Variants in PKHD1 observed in about 807,000 individuals in gnomAD.
The protein encoded by PKHD1 is fibrocystin.
PKHD1 carries 291 observed loss-of-function variants against 412.0 expected under a neutral mutation model. That is an observed-to-expected ratio of 0.71 (90% CI 0.64 to 0.78). The LOEUF (loss-of-function observed/expected upper bound fraction) is 0.78. PKHD1 is among the 30% of genes least tolerant of loss of function. The pLI is 0.00. For synonymous variants in PKHD1, 1,777 were observed against 1,821.5 expected (o/e 0.98, Z 0.62); for missense variants, 4,825 against 4,950.7 (o/e 0.97, Z 0.76).
chr6:51,912,577 C>T lies in PKHD1; in HGVS notation c.6122-1G>A. On this transcript the variant is annotated splice_acceptor_variant, in intron 37 of 66. Coordinates refer to ENST00000371117, the MANE Select transcript of PKHD1 (RefSeq NM_138694.4). LOFTEE classifies it high-confidence loss of function. ...GTGACAATTACTTCTGGTAGTGAAC[C>T]TAAAGCAGCCCGAGGAAAAGTTGTC... 1 of 1,605,202 alleles carries T rather than the reference C, an allele frequency of 6.2e-7. No homozygotes were observed. Among genetic ancestry groups the T allele is most frequent in the Non-Finnish European group, 8.5e-7 (1 of 1,172,294 alleles).
At chr6:51,972,308 A>G (rs80088270) in intron 35 of PKHD1, among the ~76,000 whole-genome samples, 1,816 of 152,304 alleles carry the variant, frequency 0.012, 40 homozygotes, top group African/African-American at 0.042. Flanking sequence ...TTCACGTTTG[A>G]GGTACTTTTT....
Position 52,055,609 on chromosome 6 carries a change from T to C in PKHD1, c.1814A>G (p.Tyr605Cys), listed in dbSNP as rs1315534371. Residue 605 changes from tyrosine to cysteine, a missense_variant, in exon 19 of 67, where the codon TAT (tyrosine) becomes TGT (cysteine). Tyr to Cys is a radical substitution (Grantham distance 194). Coordinates refer to ENST00000371117, the MANE Select transcript of PKHD1 (RefSeq NM_138694.4). ...VLTPPAAQKG[Y>C]RLDQYTHLCL... ...CACGTGTGTATACTGATCTAGCCGA[T>C]AGCCCTTCTGGGCAGCCGGGGGAGT... is the stretch of plus-strand genomic sequence containing the variant. 1.2e-6 allele frequency: 2 copies of C among 1,613,914 alleles called. No individual in the cohort carries two copies. Among genetic ancestry groups the C allele is most frequent in the African/African-American group, 1.3e-5 (1 of 74,918 alleles).
chr6:51,730,444 A>G (rs1783102764), intron 60 of PKHD1, among the ~76,000 whole-genome samples: 1 of 152,188 alleles, frequency 6.6e-6, no homozygotes, highest in Non-Finnish European at 1.5e-5. Flanking sequence ...CAACGTTGCT[A>G]TTTGAATGAT....
intron 60 of PKHD1, among the ~76,000 whole-genome samples, chr6:51,696,739 T>C (rs1365342162): frequency 6.6e-6 from 1 of 152,132 alleles, no homozygotes; most frequent in Non-Finnish European, 1.5e-5. Flanking sequence ...GTGCGTGGGA[T>C]AGAGCCCCAG....
chr6:51,639,257 G>A (rs951278844), intron 63 of PKHD1, among the ~76,000 whole-genome samples: 1 of 152,080 alleles, frequency 6.6e-6, no homozygotes, highest in South Asian at 2.1e-4. Context: ...TAGCAATTAG[G>A]AAATAGGCTC....
chr6:52,070,430 C>G lies in PKHD1; in HGVS notation c.683G>C (p.Ser228Thr), dbSNP rs773265609. 6.2e-7 allele frequency: 1 copy of G among 1,610,240 alleles called. No individual in the cohort carries two copies. The highest frequency in any genetic ancestry group is 1.1e-5 in the South Asian group (1 of 91,002). The change falls in exon 10 of 67, where the codon AGC (serine) becomes ACC (threonine). Residue 228 changes from serine to threonine, a missense_variant. Transcript: ENST00000371117. ...EGDYIGSQNV[S>T]FSVFNKGKSM... is the part of the protein sequence containing the mutation. Reference sequence around the variant, plus strand: ...CTTTCCTTTGTTAAATACTGAGAAGCTAACATTCTGGGAGCCTGTAACACA... The same window carrying G: ...CTTTCCTTTGTTAAATACTGAGAAGGTAACATTCTGGGAGCCTGTAACACA...
intron 35 of PKHD1, 92 bp downstream of exon 35, chr6:52,010,217 C>T: frequency 9.3e-7 from 1 of 1,075,842 alleles, no homozygotes; most frequent in Non-Finnish European, 1.4e-6. Context: ...TATATCGCTG[C>T]CATTTGGACT....
intron 35 of PKHD1, among the ~76,000 whole-genome samples, chr6:52,007,176 T>A (rs143644299): frequency 1.3e-5 from 2 of 152,254 alleles, no homozygotes; most frequent in Non-Finnish European, 2.9e-5. Flanking sequence ...CTTTTTTGTA[T>A]AATAACTTCT....
intron 60 of PKHD1, among the ~76,000 whole-genome samples, chr6:51,712,881 T>C (rs927504336): frequency 6.6e-6 from 1 of 152,226 alleles, no homozygotes; most frequent in Non-Finnish European, 1.5e-5. Flanking sequence ...TAATAAATAA[T>C]AGATAATGAT....
chr6:51,894,899 T>C (rs568333959), intron 43 of PKHD1, among the ~76,000 whole-genome samples: 19 of 152,372 alleles, frequency 1.2e-4, no homozygotes, highest in Admixed American at 7.2e-4. Flanking sequence ...AATTCTCTTA[T>C]TTATGCAGCT....
At chr6:51,748,985 C>T (rs1053574923) in intron 57 of PKHD1, among the ~76,000 whole-genome samples, 2 of 152,048 alleles carry the variant, frequency 1.3e-5, no homozygotes, top group African/African-American at 4.8e-5. Flanking sequence ...TGTCGGGGGC[C>T]GGGTCAAAGA....
rs1265485169 is a variant in PKHD1, at chr6:51,748,395, G to A, written c.9221C>T (p.Ser3074Phe). The A allele has an allele frequency of 1.2e-6, 2 of 1,613,874 alleles. No individual in the cohort carries two copies. The highest frequency in any genetic ancestry group is 1.3e-5 in the African/African-American group (1 of 74,902). ...TTTGATTCCCGCCACCCAAATGGTGGACCACGCTGGCTGTGTCATCAGAAC... is the reference window on the plus strand; with the variant it reads ...TTTGATTCCCGCCACCCAAATGGTGAACCACGCTGGCTGTGTCATCAGAAC... Reference protein sequence around the residue: ...LVVLMTQPAWSTIWVAGIKVN... With the variant: ...LVVLMTQPAWFTIWVAGIKVN... The change falls in exon 58 of 67, where the codon TCC becomes TTC. Residue 3074 changes from serine (S) to phenylalanine (F), a missense_variant. Coordinates refer to ENST00000371117, the MANE Select transcript of PKHD1 (RefSeq NM_138694.4).
At chr6:51,947,399 A>C (rs1239422653) in intron 36 of PKHD1, among the ~76,000 whole-genome samples, 1 of 152,236 alleles carries the variant, frequency 6.6e-6, no homozygotes, top group Non-Finnish European at 1.5e-5. Context: ...AAAATGCAAA[A>C]GTGCTAGTAA....
Position 51,934,144 on chromosome 6 carries a change from G to A in PKHD1, c.6087C>T (p.Phe2029=). The change falls in exon 37 of 67, where the codon TTC becomes TTT. Residue 2029 remains phenylalanine, a synonymous_variant. Coordinates refer to ENST00000371117, the MANE Select transcript of PKHD1 (RefSeq NM_138694.4). ...AAAGAGTTCCATTCCTCACAGCCAGGAACTTGACTCCATAGGGAAAGAAGG... is the reference window on the plus strand; with the variant it reads ...AAAGAGTTCCATTCCTCACAGCCAGAAACTTGACTCCATAGGGAAAGAAGG... ...STPFFPYGVK[F]LAVRNGTLSL... 1.2e-6 allele frequency: 2 copies of A among 1,613,878 alleles called. No individual in the cohort carries two copies. Among genetic ancestry groups the A allele is most frequent in the Non-Finnish European group, 1.7e-6 (2 of 1,179,772 alleles).
At chr6:51,629,813 T>C (rs1767714930) in intron 65 of PKHD1, among the ~76,000 whole-genome samples, 1 of 152,174 alleles carries the variant, frequency 6.6e-6, no homozygotes, top group Admixed American at 6.6e-5. Flanking sequence ...CATACTTGTA[T>C]ATTTGGCAGA....
chr6:52,054,231 G>C, intron 19 of PKHD1, 66 bp from the exon 20 acceptor site: 1 of 1,519,830 alleles, frequency 6.6e-7, no homozygotes, highest in Non-Finnish European at 9.1e-7. Context: ...ACAATACGTA[G>C]TGAGGAGTCC....
intron 36 of PKHD1, among the ~76,000 whole-genome samples, chr6:51,947,993 G>A (rs1173992922): frequency 1.3e-5 from 2 of 152,006 alleles, no homozygotes; most frequent in Non-Finnish European, 1.5e-5. Flanking sequence ...GAAAATCACA[G>A]AGTTAACTTT....
intron 40 of PKHD1, among the ~76,000 whole-genome samples, chr6:51,907,366 C>T (rs924333079): frequency 1.3e-5 from 2 of 152,122 alleles, no homozygotes; most frequent in Admixed American, 1.3e-4. Flanking sequence ...TCTCAGCTCT[C>T]CTACTACTAG....
At chr6:51,804,143 C>G (rs565045407) in intron 52 of PKHD1, among the ~76,000 whole-genome samples, 1 of 151,424 alleles carries the variant, frequency 6.6e-6, no homozygotes, top group African/African-American at 2.5e-5. Context: ...TCTGTTTCTT[C>G]CTACTTTCGA....
Sources: allele counts gnomAD v4.1 joint callset (sites outside exome capture counted in the v4.1 genomes callset), GRCh38; gene constraint gnomAD v4.1.1; transcripts MANE v1.5; gene names NCBI Gene and HGNC (gene_info 2026-07-23, HGNC 2026-07-21).